Variants in KMT2C observed in about 807,000 individuals in gnomAD.
KMT2C encodes histone-lysine N-methyltransferase 2C.
KMT2C carries 88 observed loss-of-function variants against 507.9 expected under a neutral mutation model. The ratio of observed to expected loss-of-function variants is 0.17; its 90% confidence interval spans 0.15 to 0.21. The LOEUF is 0.21. Among genes scored for constraint, KMT2C ranks in the 10% least tolerant of loss-of-function variants. The pLI is 1.00. For missense variants in KMT2C, 4,954 were observed against 5,957.8 expected, an observed-to-expected ratio of 0.83 and a Z score of 5.55; for synonymous variants, 2,049 against 2,080.8, an observed-to-expected ratio of 0.98 and a Z score of 0.42.
chr7:152,192,828 A>C (rs1413132334), intron 31 of KMT2C, among the ~76,000 whole-genome samples: 1 of 152,208 alleles, frequency 6.6e-6, no homozygotes, highest in Non-Finnish European at 1.5e-5. Context: ...GGGTATAGTC[A>C]TGAGGCAGTG....
chr7:152,424,457 C>G (rs999532454), intron 1 of KMT2C, among the ~76,000 whole-genome samples: 1 of 152,126 alleles, frequency 6.6e-6, no homozygotes. Flanking sequence ...AGGTTTCACT[C>G]TGTCGCCCAG....
intron 1 of KMT2C, among the ~76,000 whole-genome samples, chr7:152,397,996 C>A (rs537958901): frequency 1.6e-4 from 24 of 152,302 alleles, no homozygotes; most frequent in African/African-American, 5.8e-4. Flanking sequence ...AAATCCTGCT[C>A]TTCCTAAAAT....
rs190968832 is a variant in KMT2C at position 152,211,452 on chromosome 7, C to A, written c.3713-4024G>T. 3.0e-4 allele frequency among the ~76,000 whole-genome samples: 45 copies of A among 152,198 alleles called. No homozygotes were observed. In the East Asian group the frequency reaches 8.1e-3, roughly 27 times the overall value. Reference sequence around the variant, plus strand: ...CACAGGAGAGAACAGAAGATGATCTCCAGGATGATGAAGAGGAAATCCCCA... The same window carrying A: ...CACAGGAGAGAACAGAAGATGATCTACAGGATGATGAAGAGGAAATCCCCA... On this transcript the variant is annotated intron_variant, in intron 23 of 58. Transcript: ENST00000262189.
intron 1 of KMT2C, among the ~76,000 whole-genome samples, chr7:152,394,469 A>T (rs1051332910): frequency 6.6e-6 from 1 of 152,154 alleles, no homozygotes; most frequent in African/African-American, 2.4e-5. Flanking sequence ...TGTTCCCCGC[A>T]TCAGCAATGC....
At chr7:152,423,492 T>C (rs2097791229) in intron 1 of KMT2C, among the ~76,000 whole-genome samples, 2 of 152,248 alleles carry the variant, frequency 1.3e-5, no homozygotes, top group South Asian at 2.1e-4. Context: ...TTCTGTATTT[T>C]GCTTCATGGG....
At chr7:152,275,578 AAC>A (rs2096066820) in intron 6 of KMT2C, among the ~76,000 whole-genome samples, 2 of 152,200 alleles carry the variant, frequency 1.3e-5, no homozygotes, top group African/African-American at 4.8e-5. Context: ...ATGCATTAGA[AAC>A]ACAGAAAATA....
rs571136423 is a variant in KMT2C at position 152,229,179 on chromosome 7, G to A, written c.2976+744C>T. Among the ~76,000 whole-genome samples, 5 of 152,250 alleles carry A rather than the reference G, an allele frequency of 3.3e-5. No homozygotes were observed. In the East Asian group the frequency reaches 5.8e-4, roughly 18 times the overall value. ...AGTATTTATATTACATGGTATGGCA[G>A]TACTAGAAAAGATTTCCTTGTGGAG... On this transcript the variant is annotated intron_variant, in intron 18 of 58. Coordinates refer to ENST00000262189, the MANE Select transcript of KMT2C (RefSeq NM_170606.3).
chr7:152,329,238 T>C (rs1354468670), intron 3 of KMT2C, among the ~76,000 whole-genome samples: 1 of 151,902 alleles, frequency 6.6e-6, no homozygotes, highest in Non-Finnish European at 1.5e-5. Flanking sequence ...AGGAGTGAGA[T>C]GTCCCAAAAG....
intron 18 of KMT2C, among the ~76,000 whole-genome samples, chr7:152,229,443 G>A (rs1452984782): frequency 2.6e-5 from 4 of 152,158 alleles, no homozygotes; most frequent in African/African-American, 7.2e-5. Flanking sequence ...AGTGAGCAGC[G>A]CTGACTCTCG....
intron 1 of KMT2C, among the ~76,000 whole-genome samples, chr7:152,405,228 A>C (rs2097601167): frequency 3.3e-5 from 5 of 151,288 alleles, no homozygotes; most frequent in African/African-American, 1.2e-4. Context: ...CCATCATTTC[A>C]AACTCAACAG....
intron 26 of KMT2C, 44 bp downstream of exon 26, chr7:152,202,890 C>T (rs2129135472): frequency 7.0e-7 from 1 of 1,419,148 alleles, no homozygotes; most frequent in Non-Finnish European, 9.7e-7. Context: ...ATTTTATTTC[C>T]TCAATTAACA....
At chr7:152,290,562 C>T (rs1276978715) in intron 6 of KMT2C, among the ~76,000 whole-genome samples, 3 of 151,444 alleles carry the variant, frequency 2.0e-5, no homozygotes, top group Non-Finnish European at 2.9e-5. Flanking sequence ...CCCGCTTCAG[C>T]CTCCCGAAGT....
chr7:152,360,078 G>C (rs1306425184), intron 1 of KMT2C, among the ~76,000 whole-genome samples: 5 of 71,008 alleles, frequency 7.0e-5, no homozygotes, highest in Admixed American at 4.6e-4. Context: ...GGGGGTGGGG[G>C]GGGGGGGACA....
In KMT2C at chr7:152,159,143, A is replaced by T. The variant is rs1228034516; in HGVS notation, c.11461-71T>A. 7 of 1,271,506 alleles carry T rather than the reference A, an allele frequency of 5.5e-6. No individual in the cohort carries two copies. In the East Asian group the frequency reaches 1.6e-4, roughly 29 times the overall value. The allele number at this position is 1,271,506 out of a possible 1,614,324, so 78.8% of individuals were successfully genotyped here. A position where few individuals can be genotyped will look rare whatever the true frequency, so the allele number is the denominator to read the frequency against. ...TTTGGTTTTTAGTTCATGCAGTGCC[A>T]AGCTATGACGCGTCATCCTAACATG... On this transcript the variant is annotated intron_variant, in intron 43 of 58. Transcript: ENST00000262189.
chr7:152,185,498 C>T, intron 34 of KMT2C, 60 bp downstream of exon 34: 2 of 1,281,902 alleles, frequency 1.6e-6, no homozygotes, highest in Non-Finnish European at 2.3e-6. Flanking sequence ...TAACCTAATA[C>T]AAATAAGGTT....
In KMT2C at chr7:152,358,682, A is replaced by G. The variant is rs768426741; in HGVS notation, c.162-7T>C. The G allele has an allele frequency of 9.2e-6, 8 of 870,190 alleles. No homozygotes were observed. Among genetic ancestry groups the G allele is most frequent in the African/African-American group, 1.9e-5 (1 of 52,700 alleles). The allele number at this position is 870,190 out of a possible 1,614,324, so 53.9% of individuals were successfully genotyped here. On this transcript the variant is annotated splice_polypyrimidine_tract_variant and splice_region_variant and intron_variant, in intron 1 of 58. Transcript: ENST00000262189. ...TTTCCCCCTACTTCGAGGTCTACAG[A>G]AAAAAAAAAAAATAATAAGTACATA... is the stretch of plus-strand genomic sequence containing the variant.
chr7:152,335,449 A>G (rs1314360156), intron 2 of KMT2C, among the ~76,000 whole-genome samples: 1 of 152,134 alleles, frequency 6.6e-6, no homozygotes, highest in East Asian at 1.9e-4. Flanking sequence ...ACTTACCAAC[A>G]ATGAGCCAAA....
intron 1 of KMT2C, among the ~76,000 whole-genome samples, chr7:152,385,841 A>T (rs2097421419): frequency 2.0e-5 from 3 of 151,758 alleles, no homozygotes; most frequent in African/African-American, 7.3e-5. Flanking sequence ...TAATCCCAGC[A>T]CTTTGGGAGG....
chr7:152,371,512 C>T (rs920731816), intron 1 of KMT2C, among the ~76,000 whole-genome samples: 3 of 151,766 alleles, frequency 2.0e-5, no homozygotes, highest in African/African-American at 4.8e-5. Flanking sequence ...GACAAAATGG[C>T]GATAGCATCT....
Sources: allele counts gnomAD v4.1 joint callset (sites outside exome capture counted in the v4.1 genomes callset), GRCh38; gene constraint gnomAD v4.1.1; transcripts MANE v1.5; gene names NCBI Gene and HGNC (gene_info 2026-07-23, HGNC 2026-07-21).